Variants in CRTC3 observed in about 807,000 individuals in gnomAD.
CRTC3 encodes CREB regulated transcription coactivator 3.
Under a neutral mutation model 74.5 loss-of-function variants are expected in CRTC3, and 26 were observed. The observed-to-expected ratio is 0.35, with a 90% CI of 0.26 to 0.48. CRTC3 has a LOEUF of 0.48. Among genes scored for constraint, CRTC3 ranks in the 20% least tolerant of loss-of-function variants. The pLI is 0.99. For synonymous variants in CRTC3, 377 were observed against 325.8 expected, an observed-to-expected ratio of 1.16 and a Z score of -1.69; for missense variants, 760 against 787.3, an observed-to-expected ratio of 0.97 and a Z score of 0.41.
intron 2 of CRTC3, among the ~76,000 whole-genome samples, chr15:90,551,525 G>A (rs1362036868): frequency 6.6e-6 from 1 of 152,106 alleles, no homozygotes; most frequent in Non-Finnish European, 1.5e-5. Context: ...CACCGAACTG[G>A]ACAGCACTGC....
chr15:90,555,817 C>G (rs1193396453), intron 2 of CRTC3, among the ~76,000 whole-genome samples: 1 of 152,144 alleles, frequency 6.6e-6, no homozygotes, highest in Non-Finnish European at 1.5e-5. Context: ...CATGCCTGGC[C>G]TCTTTTTCTT....
intron 7 of CRTC3, among the ~76,000 whole-genome samples, chr15:90,615,478 C>T (rs1968468945): frequency 6.6e-6 from 1 of 152,250 alleles, no homozygotes; most frequent in Admixed American, 6.5e-5. Flanking sequence ...AGACGCACAG[C>T]TCTCTGTCAT....
intron 2 of CRTC3, among the ~76,000 whole-genome samples, chr15:90,560,253 G>A (rs1966982843): frequency 6.6e-6 from 1 of 152,118 alleles, no homozygotes; most frequent in African/African-American, 2.4e-5. Flanking sequence ...CATTCAGTCA[G>A]GACACCTCTA....
intron 2 of CRTC3, among the ~76,000 whole-genome samples, chr15:90,552,792 G>A (rs920832960): frequency 2.0e-5 from 3 of 152,150 alleles, no homozygotes; most frequent in African/African-American, 7.2e-5. Context: ...AGGGAACTGG[G>A]GTGTAAAGAA....
At chr15:90,548,761 A>C (rs4350549) in intron 2 of CRTC3, among the ~76,000 whole-genome samples, 1 of 152,008 alleles carries the variant, frequency 6.6e-6, no homozygotes, top group Non-Finnish European at 1.5e-5. Flanking sequence ...TATGACTTTT[A>C]TGTGATAAAA....
intron 1 of CRTC3, among the ~76,000 whole-genome samples, chr15:90,532,432 T>G (rs1246607185): frequency 6.6e-6 from 1 of 152,180 alleles, no homozygotes; most frequent in Non-Finnish European, 1.5e-5. Context: ...ATATACTGAC[T>G]TTTCATTACT....
chr15:90,625,388 G>T (rs1397031203), intron 9 of CRTC3, among the ~76,000 whole-genome samples: 1 of 152,180 alleles, frequency 6.6e-6, no homozygotes, highest in Non-Finnish European at 1.5e-5. Flanking sequence ...TATATTGGAA[G>T]GTAGCTAGTT....
In CRTC3 at chr15:90,559,785, C is replaced by T. The variant is rs183856148; in HGVS notation, c.231+19648C>T. ...CACCACCGGCGCATGCCACCACACTCGGCTAATTTTTGTTACCCGGCTCAT... is the reference window on the plus strand; with the variant it reads ...CACCACCGGCGCATGCCACCACACTTGGCTAATTTTTGTTACCCGGCTCAT... On this transcript the variant is annotated intron_variant, in intron 2 of 14. Coordinates refer to ENST00000268184, the MANE Select transcript of CRTC3 (RefSeq NM_022769.5). 1.3e-4 allele frequency among the ~76,000 whole-genome samples: 20 copies of T among 152,280 alleles called. No individual in the cohort carries two copies. The East Asian group carries it at 3.7e-3, about 28-fold the overall frequency.
intron 2 of CRTC3, among the ~76,000 whole-genome samples, chr15:90,573,000 A>C (rs11858728): frequency 6.6e-6 from 1 of 152,082 alleles, no homozygotes; most frequent in Non-Finnish European, 1.5e-5. Flanking sequence ...TGTAAAACAG[A>C]TCTCCAGAAC....
At chr15:90,614,844 A>G (rs113871176) in intron 7 of CRTC3, among the ~76,000 whole-genome samples, 2,677 of 152,246 alleles carry the variant, frequency 0.018, 84 homozygotes, top group African/African-American at 0.061. Context: ...TAGGTGGATC[A>G]CTTGAAGTCA....
At chr15:90,539,576 T>C (rs1433796828) in intron 1 of CRTC3, 1 of 170,670 alleles carries the variant, frequency 5.9e-6, no homozygotes, top group Non-Finnish European at 1.2e-5. Context: ...TGTAATAGCA[T>C]AGAAAAGGCT....
rs1969574952 is a variant in CRTC3, at chr15:90,645,008, GTCCTGTTTC to G, written c.*2878_*2886del. 4.3e-6 allele frequency: 1 copy of G among 231,934 alleles called. No individual in the cohort carries two copies. Among genetic ancestry groups the G allele is most frequent in the Non-Finnish European group, 8.5e-6 (1 of 117,336 alleles). The allele number at this position is 231,934 out of a possible 1,614,324, so 14.4% of individuals were successfully genotyped here. On this transcript the variant is annotated 3_prime_UTR_variant, in exon 15 of 15. Transcript: ENST00000268184. ...TTGATCATGTCATGAATTCTCCTTT[GTCCTGTTTC>G]TCCTGTTTCATTTCTCCTCCGCCTG...
intron 2 of CRTC3, among the ~76,000 whole-genome samples, chr15:90,592,507 CA>C (rs1967823924): frequency 6.6e-6 from 1 of 152,130 alleles, no homozygotes; most frequent in Non-Finnish European, 1.5e-5. Context: ...TTTTGACAAC[CA>C]AAAAGGTTGC....
At position 90,629,369 on chromosome 15, in the gene CRTC3, C is replaced by A; in HGVS notation, c.1103C>A (p.Ser368Tyr). The change falls in exon 11 of 15, where the codon TCC (serine) becomes TAC (tyrosine). Residue 368 changes from serine (S) to tyrosine (Y), a missense_variant. Physicochemically the swap from Ser to Tyr is moderately radical, Grantham distance 144. This residue lies in a region of CRTC3 where 652 missense variants were observed against 635.2 expected (regional missense o/e 1.03). Coordinates refer to ENST00000268184, the MANE Select transcript of CRTC3 (RefSeq NM_022769.5). ...CTTCACCCTTCGCTCCGTCTGTTTT[C>A]CCTTAGCAACCCATCTCTTTCCACC... ...SALHPSLRLFSLSNPSLSTTN... is the reference protein window; with the variant it reads ...SALHPSLRLFYLSNPSLSTTN... 6.2e-7 allele frequency: 1 copy of A among 1,614,126 alleles called. No homozygotes were observed. Among genetic ancestry groups the A allele is most frequent in the Non-Finnish European group, 8.5e-7 (1 of 1,180,016 alleles).
intron 11 of CRTC3, among the ~76,000 whole-genome samples, chr15:90,631,456 G>A (rs1969035370): frequency 6.6e-6 from 1 of 152,080 alleles, no homozygotes; most frequent in African/African-American, 2.4e-5. Context: ...TGGGCTGGGT[G>A]TGTGCCTCAC....
At chr15:90,557,949 G>C (rs1395269557) in intron 2 of CRTC3, among the ~76,000 whole-genome samples, 1 of 152,056 alleles carries the variant, frequency 6.6e-6, no homozygotes, top group African/African-American at 2.4e-5. Context: ...GAAACACAGT[G>C]ACCAATGCAC....
intron 2 of CRTC3, among the ~76,000 whole-genome samples, chr15:90,553,796 C>T (rs1596079051): frequency 6.6e-6 from 1 of 152,162 alleles, no homozygotes; most frequent in African/African-American, 2.4e-5. Context: ...TTCCATTAAT[C>T]GAAAATTTTC....
intron 2 of CRTC3, among the ~76,000 whole-genome samples, chr15:90,561,745 G>A (rs1967014934): frequency 6.6e-6 from 1 of 152,186 alleles, no homozygotes; most frequent in South Asian, 2.1e-4. Flanking sequence ...GTCCCTACAT[G>A]TTTTGGCTGT....
chr15:90,584,456 C>G (rs1264516944), intron 2 of CRTC3, among the ~76,000 whole-genome samples: 4 of 152,116 alleles, frequency 2.6e-5, no homozygotes, highest in Non-Finnish European at 5.9e-5. Flanking sequence ...AGGCTGGTCT[C>G]GAACTCCTGA....
Sources: gnomAD v4.1 joint callset for allele counts (sites outside exome capture counted in the v4.1 genomes callset) on GRCh38, gnomAD v4.1.1 for gene constraint, gnomAD v4.1.1 regional missense constraint, MANE v1.5 for transcripts, NCBI Gene and HGNC (gene_info 2026-07-23, HGNC 2026-07-21) for gene names.